Variants in JPH1 observed in about 807,000 individuals in gnomAD.
JPH1 encodes the protein junctophilin 1, also known as junctophilin-1.
A neutral mutation model predicts 53.6 loss-of-function variants in JPH1; 12 were observed. The ratio of observed to expected loss-of-function variants is 0.22; its 90% CI spans 0.14 to 0.36. The LOEUF is 0.36. Ranked by LOEUF, JPH1 falls within the 10% of genes least tolerant of loss-of-function variation. The pLI is 1.00. For synonymous variants in JPH1, 375 were observed against 363.8 expected (o/e 1.03, Z -0.35); for missense variants, 808 against 905.5 (o/e 0.89, Z 1.38).
chr8:74,303,676 T>C (rs1431804005), intron 2 of JPH1, among the ~76,000 whole-genome samples: 1 of 152,120 alleles, frequency 6.6e-6, no homozygotes, highest in Non-Finnish European at 1.5e-5. Context: ...CTCAAACTCC[T>C]GGGCTCAAGT....
chr8:74,319,511 A>G (rs1808253999), intron 1 of JPH1, among the ~76,000 whole-genome samples: 2 of 152,202 alleles, frequency 1.3e-5, no homozygotes, highest in Admixed American at 6.5e-5. Flanking sequence ...TAAAACTATT[A>G]GAGAACGTTT....
In JPH1 at chr8:74,320,490, C is replaced by G. The variant is rs771477698; in HGVS notation, c.379+419G>C. Reference sequence around the variant, plus strand: ...GCCAACCTCACCCGCTCAGGGTGTTCGCTCTAACTCCACGGGAGTGGCGAT... The same window carrying G: ...GCCAACCTCACCCGCTCAGGGTGTTGGCTCTAACTCCACGGGAGTGGCGAT... On this transcript the variant is annotated intron_variant, in intron 1 of 5. Transcript: ENST00000342232. This position sits in a 1 kb window ranked among gnomAD's most constrained non-coding sequence, Gnocchi z 4.4. 6.6e-6 allele frequency among the ~76,000 whole-genome samples: 1 copy of G among 152,132 alleles called. No individual in the cohort carries two copies. Among genetic ancestry groups the G allele is most frequent in the African/African-American group, 2.4e-5 (1 of 41,430 alleles).
In JPH1 at chr8:74,310,973, G is replaced by A. The variant is rs570852057; in HGVS notation, c.1139+3888C>T. On this transcript the variant is annotated intron_variant, in intron 2 of 5. Coordinates refer to ENST00000342232, the MANE Select transcript of JPH1 (RefSeq NM_020647.4). ...AATGTGAGGGGCTTGGACGAGATGC[G>A]CTCTCTTGGCCTTTCCAGATCTGAA... is the stretch of plus-strand genomic sequence containing the variant. Among the ~76,000 whole-genome samples, 14 of 152,278 alleles carry A rather than the reference G, an allele frequency of 9.2e-5. No homozygotes were observed. The South Asian group carries it at 1.2e-3, about 14-fold the overall frequency.
intron 2 of JPH1, among the ~76,000 whole-genome samples, chr8:74,307,196 C>T (rs964620681): frequency 3.3e-5 from 5 of 152,132 alleles, no homozygotes; most frequent in African/African-American, 1.2e-4. Context: ...TACCTACATC[C>T]CAGTTTGTCT....
At chr8:74,286,807 A>C (rs1339654039) in intron 2 of JPH1, among the ~76,000 whole-genome samples, 1 of 152,254 alleles carries the variant, frequency 6.6e-6, no homozygotes, top group Non-Finnish European at 1.5e-5. Flanking sequence ...ATGGTTAGTT[A>C]AATGGTGTGT....
intron 2 of JPH1, among the ~76,000 whole-genome samples, chr8:74,270,162 C>T (rs932326078): frequency 6.6e-6 from 1 of 152,118 alleles, no homozygotes; most frequent in Non-Finnish European, 1.5e-5. Context: ...TTACTAAAGA[C>T]TGTAGGACAG....
At chr8:74,293,998 A>G (rs1009419694) in intron 2 of JPH1, among the ~76,000 whole-genome samples, 2 of 152,176 alleles carry the variant, frequency 1.3e-5, no homozygotes, top group African/African-American at 4.8e-5. Context: ...CCTTCACTGC[A>G]GGAAAGGGCT....
At chr8:74,289,784 T>A (rs1807270987) in intron 2 of JPH1, among the ~76,000 whole-genome samples, 2 of 152,250 alleles carry the variant, frequency 1.3e-5, no homozygotes, top group South Asian at 4.1e-4. Context: ...CATGAAGGGC[T>A]GCTGAATCTT....
At chr8:74,264,764 G>C (rs1806485394) in intron 2 of JPH1, among the ~76,000 whole-genome samples, 1 of 152,104 alleles carries the variant, frequency 6.6e-6, no homozygotes, top group African/African-American at 2.4e-5. Context: ...GAGAGGAGAG[G>C]AGCCAAGATT....
chr8:74,254,692 A>G (rs1563397667), intron 3 of JPH1, among the ~76,000 whole-genome samples: 2 of 152,194 alleles, frequency 1.3e-5, no homozygotes, highest in African/African-American at 2.4e-5. Context: ...CAACTTCAGC[A>G]AAGTCTCAGG....
intron 2 of JPH1, among the ~76,000 whole-genome samples, chr8:74,276,701 A>T (rs142751365): frequency 6.6e-6 from 1 of 152,212 alleles, no homozygotes; most frequent in Non-Finnish European, 1.5e-5. Context: ...AGAACTGCAC[A>T]TGCACACCTG....
chr8:74,259,566 G>A lies in JPH1; in HGVS notation c.1140-63C>T, dbSNP rs778004782. The A allele has an allele frequency of 1.0e-4, 120 of 1,167,094 alleles. 1 individual carries two copies. Among genetic ancestry groups the A allele is most frequent in the Non-Finnish European group, 7.9e-5 (68 of 856,868 alleles). 72.3% of individuals were successfully genotyped at this position (1,167,094 alleles called of 1,614,324 possible). On this transcript the variant is annotated intron_variant, in intron 2 of 5. Coordinates refer to ENST00000342232, the MANE Select transcript of JPH1 (RefSeq NM_020647.4). The stretch of plus-strand genomic sequence containing the variant: ...CCCCTTGTTACTTACACAGGGACAA[G>A]CAAATTGTAATCTGGGAAAAGAAAT...
intron 2 of JPH1, among the ~76,000 whole-genome samples, chr8:74,282,268 C>T (rs1009058823): frequency 6.6e-6 from 1 of 151,658 alleles, no homozygotes; most frequent in East Asian, 1.9e-4. Context: ...GTCCCCCTTG[C>T]ATGCCTACTA....
At position 74,278,783 on chromosome 8, in the gene JPH1, G is replaced by A. The variant is rs143026221; in HGVS notation, c.1140-19280C>T. On this transcript the variant is annotated intron_variant, in intron 2 of 5. Transcript: ENST00000342232. ...GAAATAGGACAGCAGAGACTTAATGGGGTGCTGGTCAAAGACTTGGATTTG... is the reference window on the plus strand; with the variant it reads ...GAAATAGGACAGCAGAGACTTAATGAGGTGCTGGTCAAAGACTTGGATTTG... Among the ~76,000 whole-genome samples the A allele has an allele frequency of 2.1e-3, 318 of 152,240 alleles. 3 individuals are homozygous for A. The highest frequency in any genetic ancestry group is 7.2e-3 in the African/African-American group (300 of 41,530).
At chr8:74,246,166 G>A (rs913501442) in intron 3 of JPH1, among the ~76,000 whole-genome samples, 2 of 152,092 alleles carry the variant, frequency 1.3e-5, no homozygotes, top group South Asian at 4.1e-4. Context: ...TGAGGTCAAG[G>A]TCACATGCAG....
intron 2 of JPH1, among the ~76,000 whole-genome samples, chr8:74,284,829 CTT>C (rs201080994): frequency 4.1e-5 from 5 of 122,186 alleles, no homozygotes; most frequent in Admixed American, 1.7e-4. Context: ...TTCTTTCTTT[CTT>C]TTTTTTTTTT....
chr8:74,261,961 A>G (rs1563401255), intron 2 of JPH1, among the ~76,000 whole-genome samples: 1 of 152,274 alleles, frequency 6.6e-6, no homozygotes, highest in Non-Finnish European at 1.5e-5. Flanking sequence ...ATAGACAAAT[A>G]CAGCTTAACC....
At chr8:74,244,463 C>A (rs1805787832) in intron 4 of JPH1, 66 bp downstream of exon 4, 7 of 1,507,546 alleles carry the variant, frequency 4.6e-6, no homozygotes, top group Non-Finnish European at 6.2e-6. Flanking sequence ...GCACAGTCAC[C>A]CCACACAGCT....
chr8:74,292,089 G>A (rs1807344737), intron 2 of JPH1, among the ~76,000 whole-genome samples: 1 of 152,156 alleles, frequency 6.6e-6, no homozygotes, highest in Admixed American at 6.5e-5. Flanking sequence ...ACGAGTTAAT[G>A]GGTGCAGCAC....
Sources: gnomAD v4.1 joint callset for allele counts (sites outside exome capture counted in the v4.1 genomes callset) on GRCh38, gnomAD v4.1.1 for gene constraint, Gnocchi (gnomAD v3.1) non-coding constraint, MANE v1.5 for transcripts, NCBI Gene and HGNC (gene_info 2026-07-23, HGNC 2026-07-21) for gene names.